CNOT2: variants seen among roughly 807,000 people sequenced by gnomAD.
The protein encoded by CNOT2 is CC chemokine receptor 4-negative regulator of transcription 2.
CNOT2 carries 7 observed loss-of-function variants against 72.1 expected under a neutral mutation model. The ratio of observed to expected loss-of-function variants is 0.10; its 90% confidence interval spans 0.06 to 0.18. The LOEUF (loss-of-function observed/expected upper bound fraction) is 0.18, where lower values mean the gene tolerates loss of function less well. CNOT2 is among the 10% of genes least tolerant of loss of function. CNOT2 has a pLI of 1.00. For synonymous variants in CNOT2, 196 were observed against 225.6 expected (o/e 0.87, Z 1.17); for missense variants, 345 against 660.3 (o/e 0.52, Z 5.23).
intron 2 of CNOT2, among the ~76,000 whole-genome samples, chr12:70,293,786 AAG>A (rs1017264874): frequency 6.6e-6 from 1 of 152,092 alleles, no homozygotes. Context: ...TCAAGAGAGC[AAG>A]AGAGTGTACA....
Position 70,306,984 on chromosome 12 carries a change from C to T in CNOT2, c.49-3911C>T, listed in dbSNP as rs372984079. Among the ~76,000 whole-genome samples the T allele has an allele frequency of 1.3e-4, 20 of 152,220 alleles. No homozygotes were observed. In the East Asian group the frequency reaches 2.7e-3, roughly 21 times the overall value. On this transcript the variant is annotated intron_variant, in intron 2 of 15. Coordinates refer to ENST00000229195, the MANE Select transcript of CNOT2 (RefSeq NM_014515.7). ...TTGTGTATTTAAACATACCTAAACA[C>T]AGAAAGGGTACAGTGAAAATAAGAT...
chr12:70,303,821 TG>T (rs1336141232), intron 2 of CNOT2, among the ~76,000 whole-genome samples: 1 of 152,208 alleles, frequency 6.6e-6, no homozygotes, highest in Admixed American at 6.5e-5. Flanking sequence ...TTTTCCAACT[TG>T]GTTCCATTCT....
At chr12:70,253,351 TAAAAC>T (rs1958244124) in intron 1 of CNOT2, among the ~76,000 whole-genome samples, 2 of 152,224 alleles carry the variant, frequency 1.3e-5, no homozygotes, top group Non-Finnish European at 2.9e-5. Flanking sequence ...TATGACCCTG[TAAAAC>T]TCCTGACAAG....
chr12:70,288,215 C>T (rs1361530982), intron 2 of CNOT2, among the ~76,000 whole-genome samples: 1 of 120,388 alleles, frequency 8.3e-6, no homozygotes, highest in Non-Finnish European at 1.7e-5. Context: ...ACGATCTTGG[C>T]TCACTGCAAC....
chr12:70,319,847 G>T (rs1454971252), intron 4 of CNOT2, among the ~76,000 whole-genome samples: 2 of 151,614 alleles, frequency 1.3e-5, no homozygotes, highest in African/African-American at 4.8e-5. Flanking sequence ...AGCTCAGTCT[G>T]GATATAGAAT....
At chr12:70,335,169 A>T in intron 7 of CNOT2, 1 of 241,494 alleles carries the variant, frequency 4.1e-6, no homozygotes. Flanking sequence ...CATGGGGGAA[A>T]TATATGCTTT....
chr12:70,315,885 G>A (rs1048276700), intron 3 of CNOT2, among the ~76,000 whole-genome samples: 1 of 151,978 alleles, frequency 6.6e-6, no homozygotes, highest in African/African-American at 2.4e-5. Context: ...TTAGCCCCTT[G>A]GGCAAAAAGT....
At chr12:70,269,645 A>G (rs1375777478) in intron 1 of CNOT2, among the ~76,000 whole-genome samples, 1 of 152,172 alleles carries the variant, frequency 6.6e-6, no homozygotes. Context: ...TGATATGAAA[A>G]TATCTGTGGT....
In CNOT2 at chr12:70,319,378, A is replaced by G. The variant is rs371330412; in HGVS notation, c.238+14A>G. 1.2e-6 allele frequency: 2 copies of G among 1,607,346 alleles called. No homozygotes were observed. Among genetic ancestry groups the G allele is most frequent in the African/African-American group, 1.3e-5 (1 of 74,720 alleles). ...ACGGGCAACAAAGTAAGAATTTTGTATTTATTCTGGGATACTTTATTTAAA... is the reference window on the plus strand; with the variant it reads ...ACGGGCAACAAAGTAAGAATTTTGTGTTTATTCTGGGATACTTTATTTAAA... On this transcript the variant is annotated intron_variant, in intron 4 of 15. Transcript: ENST00000229195.
chr12:70,310,321 T>C (rs958948653), intron 2 of CNOT2, among the ~76,000 whole-genome samples: 3 of 152,092 alleles, frequency 2.0e-5, no homozygotes, highest in African/African-American at 7.2e-5. Context: ...GGTTATATCA[T>C]TGAAATAATA....
At chr12:70,338,912 T>G (rs1881069505) in intron 11 of CNOT2, 90 bp downstream of exon 11, 1 of 1,057,484 alleles carries the variant, frequency 9.5e-7, no homozygotes, top group Non-Finnish European at 1.4e-6. Flanking sequence ...TCTCACCTAC[T>G]GCTACTCATT....
chr12:70,272,210 T>C (rs1959335564), intron 1 of CNOT2, among the ~76,000 whole-genome samples: 1 of 152,210 alleles, frequency 6.6e-6, no homozygotes, highest in Non-Finnish European at 1.5e-5. Flanking sequence ...GTATCACTTA[T>C]TGTAGGTACT....
In CNOT2 at chr12:70,312,386, T is replaced by A. The variant is rs548518766; in HGVS notation, c.171+1369T>A. The stretch of plus-strand genomic sequence containing the variant: ...TGGAAAATGTTAATGAAATATTTAT[T>A]ACTGATGAAATGCATTTATTCTAAT... On this transcript the variant is annotated intron_variant, in intron 3 of 15. Coordinates refer to ENST00000229195, the MANE Select transcript of CNOT2 (RefSeq NM_014515.7). Among the ~76,000 whole-genome samples the A allele has an allele frequency of 5.3e-5, 8 of 152,078 alleles. No individual in the cohort carries two copies. The South Asian group carries it at 1.2e-3, about 24-fold the overall frequency.
intron 1 of CNOT2, among the ~76,000 whole-genome samples, chr12:70,277,676 G>A (rs1017324399): frequency 6.6e-6 from 1 of 152,026 alleles, no homozygotes; most frequent in Non-Finnish European, 1.5e-5. Context: ...AGAATGAATC[G>A]GTAGCTGTGT....
chr12:70,312,519 T>TA (rs1876642069), intron 3 of CNOT2, among the ~76,000 whole-genome samples: 1 of 151,996 alleles, frequency 6.6e-6, no homozygotes, highest in Admixed American at 6.6e-5. Context: ...GTCTACATTT[T>TA]AAAATCAGAA....
chr12:70,353,430 C>T (rs80024915), intron 15 of CNOT2, among the ~76,000 whole-genome samples: 22,165 of 152,006 alleles, frequency 0.15, 1,959 homozygotes, highest in Admixed American at 0.28. Context: ...TATTTCTAAA[C>T]TTTTTTCATG....
At chr12:70,352,755 A>AT (rs925305233) in intron 15 of CNOT2, among the ~76,000 whole-genome samples, 3 of 151,976 alleles carry the variant, frequency 2.0e-5, no homozygotes, top group Non-Finnish European at 4.4e-5. Context: ...TGTTGTTTGC[A>AT]TTTTTTTCTA....
Position 70,354,157 on chromosome 12 carries a change from C to A in CNOT2, c.*242C>A. 1.6e-6 allele frequency: 1 copy of A among 639,346 alleles called. No homozygotes were observed. Among genetic ancestry groups the A allele is most frequent in the Non-Finnish European group, 2.3e-6 (1 of 443,052 alleles). 39.6% of individuals were successfully genotyped at this position (639,346 alleles called of 1,614,324 possible). ...AGTTTGAGCAGGGTCTGAATTTTTT[C>A]ATTTATTTCCTTTTTTGCCAGCAGA... On this transcript the variant is annotated 3_prime_UTR_variant, in exon 16 of 16. Transcript: ENST00000229195.
chr12:70,271,669 G>T (rs1031792777), intron 1 of CNOT2, among the ~76,000 whole-genome samples: 1 of 152,018 alleles, frequency 6.6e-6, no homozygotes, highest in African/African-American at 2.4e-5. Flanking sequence ...CACTGTGCCC[G>T]ACCAGCATTT....
Sources: allele counts gnomAD v4.1 joint callset (sites outside exome capture counted in the v4.1 genomes callset), GRCh38; gene constraint gnomAD v4.1.1; transcripts MANE v1.5; gene names NCBI Gene and HGNC (gene_info 2026-07-23, HGNC 2026-07-21).